Variants in CAMK2A observed in about 807,000 individuals in gnomAD.
CAMK2A encodes calcium/calmodulin-dependent protein kinase type II subunit alpha.
In CAMK2A, 7 loss-of-function variants were observed where a neutral mutation model predicts 79.2. That is an observed-to-expected ratio of 0.09 (90% CI 0.05 to 0.17). The LOEUF (loss-of-function observed/expected upper bound fraction) is 0.17, where lower values mean the gene tolerates loss of function less well. CAMK2A is among the 10% of genes least tolerant of loss of function. CAMK2A has a pLI of 1.00. For missense variants in CAMK2A, 214 were observed against 646.4 expected (o/e 0.33, Z 7.25); for synonymous variants, 242 against 251.7 (o/e 0.96, Z 0.36).
In CAMK2A at chr5:150,256,914, T is replaced by C. The variant is rs1756083041; in HGVS notation, c.273-83A>G. 1.6e-6 allele frequency: 2 copies of C among 1,249,066 alleles called. No homozygotes were observed. The highest frequency in any genetic ancestry group is 4.2e-5 in the Admixed American group (2 of 48,026). The allele number at this position is 1,249,066 out of a possible 1,614,324, so 77.4% of individuals were successfully genotyped here. ...GGAGGAGTCTCCAGGAAACTAAGGA[T>C]GGGGCCCAGGGACCTCAGGACCTCA... On this transcript the variant is annotated intron_variant, in intron 4 of 18. Transcript: ENST00000671881. The surrounding 1 kb of genome is among the most constrained non-coding windows in gnomAD (Gnocchi z 4.6).
intron 1 of CAMK2A, among the ~76,000 whole-genome samples, chr5:150,285,291 C>A (rs1295049231): frequency 6.6e-6 from 1 of 152,174 alleles, no homozygotes; most frequent in African/African-American, 2.4e-5. Flanking sequence ...AAGCCCTGCC[C>A]AGCTCCTTCA....
rs140631952 is a variant in CAMK2A, at chr5:150,264,573, C to T, written c.217+383G>A. 1.3e-4 allele frequency among the ~76,000 whole-genome samples: 20 copies of T among 152,254 alleles called. No homozygotes were observed. In the South Asian group the frequency reaches 1.5e-3, roughly 11 times the overall value. On this transcript the variant is annotated intron_variant, in intron 3 of 18. Transcript: ENST00000671881. ...TGTAGGCAGGCAGGTGCCAGGTCGACGGAGGAGGGCAGGGCCACGGTGCCA... is the reference window on the plus strand; with the variant it reads ...TGTAGGCAGGCAGGTGCCAGGTCGATGGAGGAGGGCAGGGCCACGGTGCCA...
At chr5:150,230,853 T>A (rs1200498174) in intron 16 of CAMK2A, among the ~76,000 whole-genome samples, 1 of 152,230 alleles carries the variant, frequency 6.6e-6, no homozygotes, top group African/African-American at 2.4e-5. Context: ...ACGTGCCCTG[T>A]GGATCCTGCT....
At chr5:150,253,356 C>T in intron 7 of CAMK2A, 88 bp downstream of exon 7, 1 of 1,062,528 alleles carries the variant, frequency 9.4e-7, no homozygotes, top group Non-Finnish European at 1.5e-6. Flanking sequence ...TCCAGCCATA[C>T]CCACTCAGGC....
At chr5:150,260,166 A>C (rs1279853783) in intron 3 of CAMK2A, among the ~76,000 whole-genome samples, 3 of 151,774 alleles carry the variant, frequency 2.0e-5, no homozygotes, top group Admixed American at 6.6e-5. Flanking sequence ...TAAAGTGTAA[A>C]TGTGTATTGG....
rs566336792 is a variant in CAMK2A, at chr5:150,247,961, G to C, written c.901-147C>G. On this transcript the variant is annotated intron_variant, in intron 11 of 18. Transcript: ENST00000671881. ...AAGCCTCTGCCCTGCCCCTCCATTT[G>C]TCCCAACCCCAACCCCAGCCCAGAG... is the stretch of plus-strand genomic sequence containing the variant. The C allele has an allele frequency of 1.4e-4, 95 of 676,800 alleles. 2 individuals carry two copies. The South Asian group carries it at 1.7e-3, about 12-fold the overall frequency. 41.9% of individuals were successfully genotyped at this position (676,800 alleles called of 1,614,324 possible).
Position 150,223,259 on chromosome 5 carries a change from G to T in CAMK2A, c.1238-42C>A. 1 of 1,516,484 alleles carries T rather than the reference G, an allele frequency of 6.6e-7. No homozygotes were observed. The highest frequency in any genetic ancestry group is 1.1e-5 in the South Asian group (1 of 88,110). 93.9% of individuals were successfully genotyped at this position (1,516,484 alleles called of 1,614,324 possible). On this transcript the variant is annotated intron_variant, in intron 17 of 18. Coordinates refer to ENST00000671881, the MANE Select transcript of CAMK2A (RefSeq NM_015981.4). This position sits in a 1 kb window ranked among gnomAD's most constrained non-coding sequence, Gnocchi z 4.1. Reference sequence around the variant, plus strand: ...GAGGGGCAGAGGAGATGCAACCGGGGGCCTCCTGTCTCACTTTCTTCACTT... The same window carrying T: ...GAGGGGCAGAGGAGATGCAACCGGGTGCCTCCTGTCTCACTTTCTTCACTT...
At chr5:150,228,520 G>A (rs1164645038) in intron 16 of CAMK2A, among the ~76,000 whole-genome samples, 2 of 152,242 alleles carry the variant, frequency 1.3e-5, no homozygotes, top group Non-Finnish European at 2.9e-5. Context: ...ATGGCTGTGA[G>A]ACCCCAAGCA....
chr5:150,289,176 A>G (rs1041589670), intron 1 of CAMK2A, among the ~76,000 whole-genome samples: 4 of 152,200 alleles, frequency 2.6e-5, no homozygotes, highest in African/African-American at 9.7e-5. Flanking sequence ...GGCCACCTCA[A>G]GCAAAACTAG....
chr5:150,239,477 G>T (rs1490177630), intron 14 of CAMK2A, among the ~76,000 whole-genome samples: 1 of 152,148 alleles, frequency 6.6e-6, no homozygotes, highest in African/African-American at 2.4e-5. Context: ...AGGATCTCAG[G>T]TCTGCTGTCA....
chr5:150,238,136 C>T (rs967245820), intron 15 of CAMK2A, among the ~76,000 whole-genome samples: 2 of 152,180 alleles, frequency 1.3e-5, no homozygotes, highest in African/African-American at 4.8e-5. Flanking sequence ...CTCTAATACA[C>T]ATATAATATA....
intron 1 of CAMK2A, among the ~76,000 whole-genome samples, chr5:150,285,672 C>A (rs1757395156): frequency 6.6e-6 from 1 of 152,172 alleles, no homozygotes; most frequent in Non-Finnish European, 1.5e-5. Flanking sequence ...GCCTTGGCAA[C>A]CCCTTCTCCA....
At chr5:150,282,311 C>T (rs1232780870) in intron 1 of CAMK2A, among the ~76,000 whole-genome samples, 1 of 152,212 alleles carries the variant, frequency 6.6e-6, no homozygotes, top group Non-Finnish European at 1.5e-5. Context: ...ATTGAACCAA[C>T]AGAAGTTCCA....
intron 1 of CAMK2A, among the ~76,000 whole-genome samples, chr5:150,283,031 T>C (rs1011922812): frequency 4.6e-5 from 7 of 152,196 alleles, no homozygotes; most frequent in African/African-American, 1.4e-4. Context: ...ACATAAGATG[T>C]TGGGGAAGGG....
intron 17 of CAMK2A, among the ~76,000 whole-genome samples, chr5:150,227,969 C>A (rs960661173): frequency 6.6e-6 from 1 of 152,130 alleles, no homozygotes; most frequent in African/African-American, 2.4e-5. Context: ...GTCTCTGGGA[C>A]CTCGCCTGCC....
At position 150,251,740 on chromosome 5, in the gene CAMK2A, C is replaced by A; in HGVS notation, c.693+10G>T. On this transcript the variant is annotated intron_variant, in intron 9 of 18. Transcript: ENST00000671881. Reference sequence around the variant, plus strand: ...GGATGATGGGAGCTGAAGAGAGGAGCGACACTCACATCATAGGCGCCGGCT... The same window carrying A: ...GGATGATGGGAGCTGAAGAGAGGAGAGACACTCACATCATAGGCGCCGGCT... 4 of 1,582,486 alleles carry A rather than the reference C, an allele frequency of 2.5e-6. No homozygotes were observed. Among genetic ancestry groups the A allele is most frequent in the African/African-American group, 1.4e-5 (1 of 74,010 alleles).
rs1024265518 is a variant in CAMK2A at position 150,238,706 on chromosome 5, T to C, written c.1060A>G (p.Thr354Ala). The C allele has an allele frequency of 1.9e-6, 3 of 1,606,734 alleles. No homozygotes were observed. The African/African-American group carries it at 4.0e-5, about 21-fold the overall frequency. ...STNTTIEDED[T>A]KVRKQEIIKV... ...ACTGAAGGCCCCTCCCTACCTTTGGTGTCTTCATCCTCGATGGTGGTGTTG... is the reference window on the plus strand; with the variant it reads ...ACTGAAGGCCCCTCCCTACCTTTGGCGTCTTCATCCTCGATGGTGGTGTTG... Residue 354 changes from threonine (T) to alanine (A), a missense_variant, in exon 15 of 19, where the codon ACC (threonine) becomes GCC (alanine). Physicochemically the swap from Thr to Ala is moderately conservative, Grantham distance 58. Transcript: ENST00000671881.
chr5:150,248,506 C>T lies in CAMK2A; in HGVS notation c.901-692G>A, dbSNP rs112603218. 8.4e-5 allele frequency among the ~76,000 whole-genome samples: 10 copies of T among 119,378 alleles called. 1 individual carries two copies. Among genetic ancestry groups the T allele is most frequent in the African/African-American group, 2.9e-4 (9 of 31,198 alleles). The allele number at this position is 119,378 out of a possible 152,430, so 78.3% of individuals were successfully genotyped here. On this transcript the variant is annotated intron_variant, in intron 11 of 18. Transcript: ENST00000671881. ...CCCCCTCCCCCCACCCCACAACAGG[C>T]CCCGGTGTGTGATGTTCCCCTTCCT...
At chr5:150,278,124 C>A (rs1259569255) in intron 1 of CAMK2A, among the ~76,000 whole-genome samples, 1 of 152,154 alleles carries the variant, frequency 6.6e-6, no homozygotes, top group African/African-American at 2.4e-5. Context: ...TAGCCTCTAC[C>A]TCCTGGGTTT....
Sources: allele counts gnomAD v4.1 joint callset (sites outside exome capture counted in the v4.1 genomes callset), GRCh38; gene constraint gnomAD v4.1.1; non-coding constraint Gnocchi (gnomAD v3.1); transcripts MANE v1.5; gene names NCBI Gene and HGNC (gene_info 2026-07-23, HGNC 2026-07-21).